LRRC28: variants seen among roughly 807,000 people sequenced by gnomAD.
LRRC28 encodes the protein leucine rich repeat containing 28, also known as leucine-rich repeat-containing protein 28.
A neutral mutation model predicts 45.7 loss-of-function variants in LRRC28; 39 were observed. That is an observed-to-expected ratio of 0.85 (90% CI 0.66 to 1.12). The LOEUF is 1.12. Among genes scored for constraint, LRRC28 ranks in the 50% most tolerant of loss-of-function variants. The pLI is 0.00. For missense variants in LRRC28, 435 were observed against 438.5 expected, an observed-to-expected ratio of 0.99 and a Z score of 0.07; for synonymous variants, 206 against 178.8, an observed-to-expected ratio of 1.15 and a Z score of -1.22.
chr15:99,334,330 A>G (rs1440323877), intron 6 of LRRC28, among the ~76,000 whole-genome samples: 3 of 152,154 alleles, frequency 2.0e-5, no homozygotes, highest in Non-Finnish European at 4.4e-5. Flanking sequence ...TACTTTAAAA[A>G]AGAAATCTGT....
chr15:99,352,104 A>G lies in LRRC28; in HGVS notation c.593-265A>G, dbSNP rs187779508. Among the ~76,000 whole-genome samples the G allele has an allele frequency of 1.1e-3, 163 of 152,328 alleles. 1 individual carries two copies. Among genetic ancestry groups the G allele is most frequent in the Non-Finnish European group, 1.5e-3 (101 of 68,026 alleles). On this transcript the variant is annotated intron_variant, in intron 6 of 9. Coordinates refer to ENST00000301981, the MANE Select transcript of LRRC28 (RefSeq NM_144598.5). ...AACTGACTTAGCAGAGTTCTTTGCT[A>G]AAACTGGATTTTACAGGGTCCACAC...
At chr15:99,267,273 C>G (rs1405776470) in intron 2 of LRRC28, among the ~76,000 whole-genome samples, 1 of 152,148 alleles carries the variant, frequency 6.6e-6, no homozygotes, top group African/African-American at 2.4e-5. Context: ...CCGCCACCCC[C>G]TCCTTGAATT....
intron 2 of LRRC28, among the ~76,000 whole-genome samples, chr15:99,270,262 C>T (rs1022438585): frequency 1.4e-4 from 22 of 152,046 alleles, no homozygotes; most frequent in Non-Finnish European, 3.1e-4. Flanking sequence ...AAAACGAAAA[C>T]GAATTTATTG....
chr15:99,319,670 TA>T (rs58946939), intron 5 of LRRC28, among the ~76,000 whole-genome samples: 1 of 151,626 alleles, frequency 6.6e-6, no homozygotes. Flanking sequence ...TTTTTTTTTT[TA>T]AATTACTGTC....
chr15:99,334,054 C>A lies in LRRC28; in HGVS notation c.517C>A (p.Pro173Thr). The A allele has an allele frequency of 6.2e-7, 1 of 1,614,156 alleles. No homozygotes were observed. Among genetic ancestry groups the A allele is most frequent in the Non-Finnish European group, 8.5e-7 (1 of 1,180,002 alleles). Residue 173 changes from proline to threonine, a missense_variant, in exon 6 of 10, where the codon CCG (proline) becomes ACG (threonine). Transcript: ENST00000301981. ...GGACCGAAATCGTCTATGGTATGTG[C>A]CGCGCCATCTCTGCCAGCTGCCCAG... ...TVDRNRLWYVPRHLCQLPSLN... is the reference protein window; with the variant it reads ...TVDRNRLWYVTRHLCQLPSLN...
intron 3 of LRRC28, among the ~76,000 whole-genome samples, chr15:99,282,177 G>GTTTTTTTTTTGTTTGTTTTTT (rs2081815345): frequency 1.0e-5 from 1 of 98,058 alleles, no homozygotes; most frequent in African/African-American, 4.8e-5. Flanking sequence ...ATTTTTGGAG[G>GTTTTTTTTTTGTTTGTTTTTT]TTTTTTTTTT....
intron 3 of LRRC28, among the ~76,000 whole-genome samples, chr15:99,282,749 A>G (rs747565027): frequency 5.9e-5 from 9 of 152,150 alleles, no homozygotes; most frequent in Non-Finnish European, 1.0e-4. Flanking sequence ...CTAACGACAC[A>G]TTTCTTAGAA....
At chr15:99,327,948 C>T (rs1018733345) in intron 5 of LRRC28, among the ~76,000 whole-genome samples, 1 of 152,050 alleles carries the variant, frequency 6.6e-6, no homozygotes, top group Non-Finnish European at 1.5e-5. Context: ...TTCAAAGTTT[C>T]CTTCTGATTT....
intron 2 of LRRC28, chr15:99,257,551 TGAG>T: frequency 2.0e-6 from 1 of 503,390 alleles, no homozygotes; most frequent in Non-Finnish European, 3.8e-6. Flanking sequence ...GCTGGAGGTG[TGAG>T]GATCCAACCC....
At chr15:99,266,725 C>T (rs1330073829) in intron 2 of LRRC28, among the ~76,000 whole-genome samples, 2 of 152,098 alleles carry the variant, frequency 1.3e-5, no homozygotes, top group Admixed American at 6.5e-5. Context: ...GTTAAAACCT[C>T]GATATTCATC....
At position 99,387,469 on chromosome 15, in the gene LRRC28, C is replaced by T. The variant is rs979401257; in HGVS notation, c.*1367C>T. 4 of 152,194 alleles carry T rather than the reference C, an allele frequency of 2.6e-5. No homozygotes were observed. Among genetic ancestry groups the T allele is most frequent in the African/African-American group, 9.6e-5 (4 of 41,452 alleles). 9.4% of individuals were successfully genotyped at this position (152,194 alleles called of 1,614,324 possible). A position where few individuals can be genotyped will look rare whatever the true frequency, so the allele number is the denominator to read the frequency against. ...TGGCCCTCGTTTCTTGTATACTTAG[C>T]TTACTGCCCAGATGCAACTGAGAAA... On this transcript the variant is annotated 3_prime_UTR_variant, in exon 10 of 10. Coordinates refer to ENST00000301981, the MANE Select transcript of LRRC28 (RefSeq NM_144598.5).
At chr15:99,355,640 T>A (rs967943962) in intron 7 of LRRC28, 1 of 152,136 alleles carries the variant, frequency 6.6e-6, no homozygotes. Context: ...CATGTTAGAA[T>A]TTTAGAGAAT....
intron 9 of LRRC28, among the ~76,000 whole-genome samples, chr15:99,376,694 T>C (rs1417855800): frequency 6.6e-6 from 1 of 152,018 alleles, no homozygotes; most frequent in Non-Finnish European, 1.5e-5. Flanking sequence ...TCCCTCCCAC[T>C]TCCCCCCACC....
In LRRC28 at chr15:99,283,472, C is replaced by T. The variant is rs531231899; in HGVS notation, c.210-3785C>T. On this transcript the variant is annotated intron_variant, in intron 3 of 9. Coordinates refer to ENST00000301981, the MANE Select transcript of LRRC28 (RefSeq NM_144598.5). ...ACTGAAAATACAAAAAAAAATTAGC[C>T]GGGTGTGGTGGTGCGCACCTGTAAT... Among the ~76,000 whole-genome samples, 15 of 151,158 alleles carry T rather than the reference C, an allele frequency of 9.9e-5. No individual in the cohort carries two copies. In the East Asian group the frequency reaches 1.8e-3, roughly 18 times the overall value.
intron 5 of LRRC28, among the ~76,000 whole-genome samples, chr15:99,290,463 G>A (rs2082092690): frequency 6.6e-6 from 1 of 151,910 alleles, no homozygotes; most frequent in Non-Finnish European, 1.5e-5. Flanking sequence ...CTTTCATCAA[G>A]TTTGTACATT....
chr15:99,366,351 C>G (rs140588874), intron 9 of LRRC28, among the ~76,000 whole-genome samples: 337 of 152,252 alleles, frequency 2.2e-3, no homozygotes, highest in African/African-American at 7.5e-3. Context: ...TATAAGGACA[C>G]CATTCATATT....
chr15:99,327,161 A>G, intron 5 of LRRC28, among the ~76,000 whole-genome samples: 1 of 151,684 alleles, frequency 6.6e-6, no homozygotes, highest in East Asian at 1.9e-4. Flanking sequence ...GGCAACCTCC[A>G]CCCCCCGGGT....
At chr15:99,291,745 G>A (rs1227418116) in intron 5 of LRRC28, among the ~76,000 whole-genome samples, 1 of 152,130 alleles carries the variant, frequency 6.6e-6, no homozygotes. Context: ...TTTAAAATTT[G>A]CCAGTTAGTT....
intron 9 of LRRC28, among the ~76,000 whole-genome samples, chr15:99,383,084 A>G (rs1407420334): frequency 6.6e-6 from 1 of 152,146 alleles, no homozygotes. Context: ...TTTCTCACCC[A>G]TACGGAAACC....
Sources: gnomAD v4.1 joint callset for allele counts (sites outside exome capture counted in the v4.1 genomes callset) on GRCh38, gnomAD v4.1.1 for gene constraint, MANE v1.5 for transcripts, NCBI Gene and HGNC (gene_info 2026-07-23, HGNC 2026-07-21) for gene names.